SLC30A6: variants seen among roughly 807,000 people sequenced by gnomAD.
The protein encoded by SLC30A6 is solute carrier family 30 member 6, also known as zinc transporter 6.
SLC30A6 carries 55 observed loss-of-function variants against 63.0 expected under a neutral mutation model. The ratio of observed to expected loss-of-function variants is 0.87; its 90% CI spans 0.70 to 1.09. SLC30A6 has a LOEUF of 1.09. SLC30A6 is among the 50% of genes least tolerant of loss of function. The probability of loss-of-function intolerance (pLI) is 0.00; values close to 1 mark genes in which losing one functional copy is unlikely to be tolerated. For missense variants in SLC30A6, 587 were observed against 549.2 expected (o/e 1.07, Z -0.69); for synonymous variants, 224 against 186.1 (o/e 1.20, Z -1.66).
chr2:32,203,235 C>T, intron 10 of SLC30A6: 1 of 1,014,312 alleles, frequency 9.9e-7, no homozygotes, highest in South Asian at 1.3e-5. Context: ...TCTGGACGCA[C>T]AGGTAGAGCT....
At chr2:32,201,806 G>A in intron 10 of SLC30A6, 2 of 1,394,618 alleles carry the variant, frequency 1.4e-6, no homozygotes, top group Non-Finnish European at 1.0e-6. Context: ...TGGAGTGACA[G>A]AAGGAAGTCA....
In SLC30A6 at chr2:32,171,297, A is replaced by T; in HGVS notation, c.14A>T (p.His5Leu). The T allele has an allele frequency of 6.2e-7, 1 of 1,613,616 alleles. No individual in the cohort carries two copies. Among genetic ancestry groups the T allele is most frequent in the African/African-American group, 1.3e-5 (1 of 75,040 alleles). The change falls in exon 2 of 14, where the codon CAT (histidine) becomes CTT (leucine). Residue 5 changes from histidine (H) to leucine (L), a missense_variant. Coordinates refer to ENST00000282587, the MANE Select transcript of SLC30A6 (RefSeq NM_017964.5). ...ATGTTTGTTTGAAAGGGGACAATTCATCTCTTTCGAAAACCACAAAGATCC... is the reference window on the plus strand; with the variant it reads ...ATGTTTGTTTGAAAGGGGACAATTCTTCTCTTTCGAAAACCACAAAGATCC... MGTI[H>L]LFRKPQRSFF... is the part of the protein sequence containing the mutation.
In SLC30A6 at chr2:32,221,070, T is replaced by A; in HGVS notation, c.*357T>A. The A allele has an allele frequency of 4.8e-6, 1 of 206,262 alleles. No homozygotes were observed. Among genetic ancestry groups the A allele is most frequent in the South Asian group, 8.2e-5 (1 of 12,178 alleles). The allele number at this position is 206,262 out of a possible 1,614,324, so 12.8% of individuals were successfully genotyped here. On this transcript the variant is annotated 3_prime_UTR_variant, in exon 14 of 14. Coordinates refer to ENST00000282587, the MANE Select transcript of SLC30A6 (RefSeq NM_017964.5). ...ACTAAGATACGATATTTCTTTTTTT[T>A]TCCGAGACGGAGTCTTGCTCTGCCA...
Sources: allele counts gnomAD v4.1 joint callset, GRCh38; gene constraint gnomAD v4.1.1; transcripts MANE v1.5; gene names NCBI Gene and HGNC (gene_info 2026-07-23, HGNC 2026-07-21).